Variants in SARS1 observed in about 807,000 individuals in gnomAD.
The protein encoded by SARS1 is serine--tRNA ligase, cytoplasmic.
SARS1 carries 25 observed loss-of-function variants against 63.7 expected under a neutral mutation model. The observed-to-expected ratio is 0.39, with a 90% CI of 0.29 to 0.55. The LOEUF (loss-of-function observed/expected upper bound fraction) is 0.55, where lower values mean the gene tolerates loss of function less well. Among genes scored for constraint, SARS1 ranks in the 20% least tolerant of loss-of-function variants. The pLI is 0.62. For missense variants in SARS1, 417 were observed against 649.7 expected, an observed-to-expected ratio of 0.64 and a Z score of 3.89; for synonymous variants, 231 against 243.5, an observed-to-expected ratio of 0.95 and a Z score of 0.48.
chr1:109,228,616 T>C (rs978447822), intron 3 of SARS1, among the ~76,000 whole-genome samples, 184 bp downstream of exon 3: 1 of 152,176 alleles, frequency 6.6e-6, no homozygotes, highest in African/African-American at 2.4e-5. Flanking sequence ...ACAGCAGAGA[T>C]GGAGACAGAT....
At position 109,237,635 on chromosome 1, in the gene SARS1, C is replaced by A; in HGVS notation, c.1388-96C>A. 2 of 1,401,620 alleles carry A rather than the reference C, an allele frequency of 1.4e-6. No individual in the cohort carries two copies. Among genetic ancestry groups the A allele is most frequent in the South Asian group, 1.3e-5 (1 of 78,474 alleles). 86.8% of individuals were successfully genotyped at this position (1,401,620 alleles called of 1,614,324 possible). A position where few individuals can be genotyped will look rare whatever the true frequency, so the allele number is the denominator to read the frequency against. On this transcript the variant is annotated intron_variant, in intron 10 of 10. Coordinates refer to ENST00000234677, the MANE Select transcript of SARS1 (RefSeq NM_006513.4). The surrounding 1 kb of genome is among the most constrained non-coding windows in gnomAD (Gnocchi z 4.1). ...TGCCTATCAAAGGGACCCCTCTGTT[C>A]AAAGGGATCATTGTCTTGTTGAATT...
chr1:109,229,406 A>G lies in SARS1; in HGVS notation c.289-8A>G, dbSNP rs1655157988. On this transcript the variant is annotated splice_region_variant and splice_polypyrimidine_tract_variant and intron_variant, in intron 3 of 10. Transcript: ENST00000234677. ...TCCTGCTTATGGGCCTGGCCTGTTC[A>G]TCTGCAGAACCTGAAAGTCTCACAA... 2 of 1,613,592 alleles carry G rather than the reference A, an allele frequency of 1.2e-6. No individual in the cohort carries two copies. The highest frequency in any genetic ancestry group is 2.2e-5 in the East Asian group (1 of 44,886).
chr1:109,222,020 T>A (rs1258692793), intron 1 of SARS1, among the ~76,000 whole-genome samples: 2 of 73,766 alleles, frequency 2.7e-5, no homozygotes, highest in African/African-American at 1.4e-4. Flanking sequence ...ATTTTTTTTT[T>A]TTTTTTTTTT....
At chr1:109,222,084 G>A (rs1187802616) in intron 1 of SARS1, among the ~76,000 whole-genome samples, 1 of 121,504 alleles carries the variant, frequency 8.2e-6, no homozygotes, top group Non-Finnish European at 1.6e-5. Flanking sequence ...GGCTGGTCTC[G>A]AATTCCTGGG....
intron 1 of SARS1, among the ~76,000 whole-genome samples, chr1:109,221,960 T>TTTTTTGTG (rs771565091): frequency 3.0e-4 from 3 of 10,078 alleles, no homozygotes; most frequent in African/African-American, 4.4e-4. Flanking sequence ...GCTAATTTTT[T>TTTTTTGTG]TGTGTGTGTG....
At chr1:109,231,076 T>TAG in intron 5 of SARS1, 55 bp downstream of exon 5, 2 of 966,340 alleles carry the variant, frequency 2.1e-6, no homozygotes, top group Non-Finnish European at 2.6e-6. Context: ...AAAATATATA[T>TAG]ATATATATTT....
chr1:109,225,946 A>G (rs1655056761), intron 2 of SARS1, among the ~76,000 whole-genome samples: 1 of 152,122 alleles, frequency 6.6e-6, no homozygotes, highest in African/African-American at 2.4e-5. Flanking sequence ...CTACCTCTGT[A>G]GTCTGTTCTT....
chr1:109,235,816 A>G lies in SARS1; in HGVS notation c.970-161A>G, dbSNP rs891494142. Among the ~76,000 whole-genome samples the G allele has an allele frequency of 6.6e-5, 10 of 152,338 alleles. No homozygotes were observed. Among genetic ancestry groups the G allele is most frequent in the Non-Finnish European group, 1.3e-4 (9 of 68,032 alleles). The stretch of plus-strand genomic sequence containing the variant: ...GGCATGCATACGGGAAGCTCGCACC[A>G]TAAGCATTTGCTCTTGTGGTCCAGT... On this transcript the variant is annotated intron_variant, in intron 7 of 10. Transcript: ENST00000234677. The surrounding 1 kb of genome is among the most constrained non-coding windows in gnomAD (Gnocchi z 4.7).
intron 1 of SARS1, chr1:109,215,346 GC>G: frequency 1.0e-6 from 1 of 985,438 alleles, no homozygotes; most frequent in Middle Eastern, 5.2e-4. Flanking sequence ...TGTCAGTCCA[GC>G]CCTTAGCCAG....
At chr1:109,215,087 T>G (rs1445277497) in intron 1 of SARS1, 5 of 985,318 alleles carry the variant, frequency 5.1e-6, no homozygotes, top group Non-Finnish European at 6.0e-6. Flanking sequence ...TGGATTTCTA[T>G]TAGGAAAATT....
intron 1 of SARS1, among the ~76,000 whole-genome samples, chr1:109,219,800 A>G (rs535034206): frequency 6.6e-6 from 1 of 152,290 alleles, no homozygotes; most frequent in South Asian, 2.1e-4. Context: ...GGCATGAGCC[A>G]CCGCGCCCGG....
chr1:109,236,917 C>T (rs767880397), intron 9 of SARS1: 6 of 1,548,732 alleles, frequency 3.9e-6, no homozygotes, highest in Non-Finnish European at 5.2e-6. Flanking sequence ...TCAGGCCCTA[C>T]TCTTTTCCAA....
At chr1:109,229,113 C>A (rs1314480115) in intron 3 of SARS1, among the ~76,000 whole-genome samples, 4 of 152,178 alleles carry the variant, frequency 2.6e-5, no homozygotes, top group Non-Finnish European at 4.4e-5. Flanking sequence ...AGGGAAAGTT[C>A]TCATAAGAGA....
At chr1:109,233,609 T>G (rs574164309) in intron 6 of SARS1, among the ~76,000 whole-genome samples, 1 of 152,270 alleles carries the variant, frequency 6.6e-6, no homozygotes, top group Non-Finnish European at 1.5e-5. Context: ...TGGGATTTTT[T>G]TCATATATAT....
At position 109,236,661 on chromosome 1, in the gene SARS1, T is replaced by G. The variant is rs770767312; in HGVS notation, c.1257+113T>G. The G allele has an allele frequency of 1.2e-4, 177 of 1,501,226 alleles. 1 individual carries two copies. The highest frequency in any genetic ancestry group is 1.4e-4 in the Non-Finnish European group (158 of 1,121,658). The allele number at this position is 1,501,226 out of a possible 1,614,324, so 93.0% of individuals were successfully genotyped here. On this transcript the variant is annotated intron_variant, in intron 9 of 10. Coordinates refer to ENST00000234677, the MANE Select transcript of SARS1 (RefSeq NM_006513.4). ...CCAGCATCATGGGAAAATCTGAGCT[T>G]CTCAATCTAGACCAAAAAGGGAATC...
chr1:109,216,702 C>A, intron 1 of SARS1: 1 of 627,448 alleles, frequency 1.6e-6, no homozygotes, highest in Non-Finnish European at 2.0e-6. Context: ...CTCACTGCAG[C>A]CTCAATCTCC....
chr1:109,235,311 G>C lies in SARS1; in HGVS notation c.849G>C (p.Glu283Asp). ...CCATTGCTGCCCTGCACCGGGATGA[G>C]TGGCTCCGGCCGGAGGACCTGCCCA... Reference protein sequence around the residue: ...EQPIAALHRDEWLRPEDLPIK... With the variant: ...EQPIAALHRDDWLRPEDLPIK... The change falls in exon 7 of 11, where the codon GAG (glutamate) becomes GAC (aspartate). Residue 283 changes from glutamate to aspartate, a missense_variant. By Grantham distance (45) the Glu-to-Asp change is conservative. Around this residue, in one of 3 missense-constraint regions of SARS1, gnomAD observed 359 missense variants for 529.6 expected, o/e 0.68. Transcript: ENST00000234677. This position sits in a 1 kb window ranked among gnomAD's most constrained non-coding sequence, Gnocchi z 4.7. 4 of 1,614,154 alleles carry C rather than the reference G, an allele frequency of 2.5e-6. No individual in the cohort carries two copies. The highest frequency in any genetic ancestry group is 2.2e-5 in the East Asian group (1 of 44,878).
In SARS1 at chr1:109,237,317, A is replaced by G. The variant is rs1413459120; in HGVS notation, c.1331A>G (p.Tyr444Cys). The change falls in exon 10 of 11, where the codon TAC becomes TGC. Residue 444 changes from tyrosine to cysteine, a missense_variant. Tyr to Cys is a radical substitution (Grantham distance 194). Coordinates refer to ENST00000234677, the MANE Select transcript of SARS1 (RefSeq NM_006513.4). The surrounding 1 kb of genome is among the most constrained non-coding windows in gnomAD (Gnocchi z 4.1). Reference sequence around the variant, plus strand: ...ACCATCTGCGCCATCCTGGAGAACTACCAGACAGAGAAGGGCATCACTGTG... The same window carrying G: ...ACCATCTGCGCCATCCTGGAGAACTGCCAGACAGAGAAGGGCATCACTGTG... ...TRTICAILEN[Y>C]QTEKGITVPE... 53 of 1,614,198 alleles carry G rather than the reference A, an allele frequency of 3.3e-5. No homozygotes were observed. Among genetic ancestry groups the G allele is most frequent in the Admixed American group, 5.0e-5 (3 of 60,026 alleles).
chr1:109,236,676 A>G (rs1375784835), intron 9 of SARS1, 128 bp downstream of exon 9: 4 of 1,489,850 alleles, frequency 2.7e-6, no homozygotes, highest in Middle Eastern at 3.8e-4. Context: ...ATCTAGACCA[A>G]AAAGGGAATC....
Sources: allele counts gnomAD v4.1 joint callset (sites outside exome capture counted in the v4.1 genomes callset), GRCh38; gene constraint gnomAD v4.1.1; regional missense constraint gnomAD v4.1.1; non-coding constraint Gnocchi (gnomAD v3.1); transcripts MANE v1.5; gene names NCBI Gene and HGNC (gene_info 2026-07-23, HGNC 2026-07-21).